Variants in TRPM3 observed in about 807,000 individuals in gnomAD.
The protein encoded by TRPM3 is long transient receptor potential channel 3.
In TRPM3, 77 loss-of-function variants were observed where a neutral mutation model predicts 181.2. That is an observed-to-expected ratio of 0.42 (90% confidence interval 0.35 to 0.51). The LOEUF is 0.51. Among genes scored for constraint, TRPM3 ranks in the 20% least tolerant of loss-of-function variants. The pLI is 0.01. For synonymous variants in TRPM3, 745 were observed against 796.4 expected (o/e 0.94, Z 1.09); for missense variants, 1,759 against 2,196.7 (o/e 0.80, Z 3.98).
chr9:71,296,992 T>C (rs1025177851), intron 1 of TRPM3, among the ~76,000 whole-genome samples: 3 of 143,108 alleles, frequency 2.1e-5, no homozygotes, highest in South Asian at 4.6e-4. Context: ...TCTTTTCTTT[T>C]TTTTTTTTTT....
rs903810284 is a variant in TRPM3 at position 70,635,249 on chromosome 9, A to C, written c.1594T>G (p.Ser532Ala). The change falls in exon 12 of 26, where the codon TCA (serine) becomes GCA (alanine). Residue 532 changes from serine to alanine, a missense_variant. Ser to Ala is a moderately conservative substitution (Grantham distance 99, BLOSUM62 1). This residue lies in a region of TRPM3 where 737 missense variants were observed against 957.4 expected (regional missense o/e 0.77). Transcript: ENST00000677713. The part of the protein sequence containing the change: ...EELYNTRHGP[S>A]NTLYHLVRDV... ...CTGACCAAGTGGTACAATGTATTTG[A>C]GGGCCCATGTCTCTGAAAACAATAA... 1.2e-6 allele frequency: 2 copies of C among 1,613,878 alleles called. No homozygotes were observed. The highest frequency in any genetic ancestry group is 1.7e-6 in the Non-Finnish European group (2 of 1,179,858).
At chr9:71,284,387 T>G (rs1050561163) in intron 1 of TRPM3, among the ~76,000 whole-genome samples, 1 of 152,178 alleles carries the variant, frequency 6.6e-6, no homozygotes, top group African/African-American at 2.4e-5. Context: ...CAATCTAAGT[T>G]TTTCTTTAAA....
At chr9:70,786,585 C>T (rs573666708) in intron 6 of TRPM3, among the ~76,000 whole-genome samples, 43 of 152,274 alleles carry the variant, frequency 2.8e-4, no homozygotes, top group African/African-American at 1.0e-3. Context: ...AAAATATCCA[C>T]CCCATAGGGA....
At chr9:70,698,036 C>T (rs927228618) in intron 8 of TRPM3, among the ~76,000 whole-genome samples, 12 of 151,808 alleles carry the variant, frequency 7.9e-5, no homozygotes, top group African/African-American at 2.7e-4. Flanking sequence ...GGTGAAACCC[C>T]GACTCTACTA....
At chr9:71,233,922 C>T (rs1321207070) in intron 1 of TRPM3, among the ~76,000 whole-genome samples, 1 of 152,154 alleles carries the variant, frequency 6.6e-6, no homozygotes, top group African/African-American at 2.4e-5. Context: ...TGCTGAGGTC[C>T]CTTCCTTAAT....
At chr9:70,893,413 T>C (rs2096240139) in intron 1 of TRPM3, among the ~76,000 whole-genome samples, 1 of 152,164 alleles carries the variant, frequency 6.6e-6, no homozygotes, top group South Asian at 2.1e-4. Flanking sequence ...AGAATATGAA[T>C]GGCTAGAGTG....
At chr9:71,144,255 T>C (rs894889743) in intron 1 of TRPM3, among the ~76,000 whole-genome samples, 11 of 152,140 alleles carry the variant, frequency 7.2e-5, no homozygotes, top group Admixed American at 1.3e-4. Context: ...GTATGCTCTA[T>C]CCAAGCAAGT....
At position 70,619,102 on chromosome 9, in the gene TRPM3, G is replaced by C. The variant is rs1332919133; in HGVS notation, c.2130-7C>G. 2.5e-6 allele frequency: 4 copies of C among 1,610,238 alleles called. No homozygotes were observed. The highest frequency in any genetic ancestry group is 3.4e-6 in the Non-Finnish European group (4 of 1,178,040). On this transcript the variant is annotated splice_region_variant and splice_polypyrimidine_tract_variant and intron_variant, in intron 16 of 25. Transcript: ENST00000677713. ...AGCCAGCTGGCCAAAGTCTCTGAAA[G>C]ACAGAATGGGTGGAAGAGTCCTTCA... is the stretch of plus-strand genomic sequence containing the variant.
intron 1 of TRPM3, among the ~76,000 whole-genome samples, chr9:71,216,746 C>T (rs2079890929): frequency 6.6e-6 from 1 of 152,140 alleles, no homozygotes; most frequent in East Asian, 1.9e-4. Flanking sequence ...TGTATCTTAA[C>T]AGCACTAGGC....
chr9:70,592,254 C>T (rs1029609472), intron 21 of TRPM3, among the ~76,000 whole-genome samples: 2 of 152,116 alleles, frequency 1.3e-5, no homozygotes, highest in African/African-American at 2.4e-5. Flanking sequence ...ATACTGGCCC[C>T]GGCAAGAGTG....
chr9:70,691,315 T>A (rs1456104089), intron 8 of TRPM3, among the ~76,000 whole-genome samples: 1 of 152,214 alleles, frequency 6.6e-6, no homozygotes, highest in Non-Finnish European at 1.5e-5. Flanking sequence ...ATGTATGAAT[T>A]TATACATTAG....
chr9:71,091,539 G>C (rs1039209452), intron 1 of TRPM3, among the ~76,000 whole-genome samples: 3 of 152,068 alleles, frequency 2.0e-5, no homozygotes, highest in Non-Finnish European at 2.9e-5. Flanking sequence ...CCGTTACCTT[G>C]AGCCACAAGA....
intron 1 of TRPM3, among the ~76,000 whole-genome samples, chr9:70,958,936 T>C (rs1413959506): frequency 2.7e-5 from 4 of 146,102 alleles, no homozygotes; most frequent in Non-Finnish European, 5.9e-5. Flanking sequence ...TTCTCACTCA[T>C]AGATGGGAAT....
intron 9 of TRPM3, among the ~76,000 whole-genome samples, chr9:70,653,591 C>T (rs904195183): frequency 6.6e-6 from 1 of 150,654 alleles, no homozygotes; most frequent in Non-Finnish European, 1.5e-5. Context: ...GGCTAAAATT[C>T]CTCACAGCTG....
At chr9:70,811,362 CACAGTGAAACCTATGTAGAG>C in intron 6 of TRPM3, 1 of 808,752 alleles carries the variant, frequency 1.2e-6, no homozygotes, top group Non-Finnish European at 2.0e-6. Flanking sequence ...ACTCAAGTTG[CACAGTGAAACCTATGTAGAG>C]CATCATCCAG....
chr9:70,946,433 G>GTAATAACAA (rs1179223771), intron 1 of TRPM3, among the ~76,000 whole-genome samples: 2 of 144,664 alleles, frequency 1.4e-5, no homozygotes, highest in African/African-American at 5.4e-5. Context: ...CTGTTAAATG[G>GTAATAACAA]TAATAATAAT....
At chr9:70,980,394 A>G (rs1189513666) in intron 1 of TRPM3, among the ~76,000 whole-genome samples, 2 of 151,302 alleles carry the variant, frequency 1.3e-5, no homozygotes, top group African/African-American at 4.9e-5. Context: ...GAGAGAGGCG[A>G]AGGAGGCCAG....
At chr9:70,915,001 A>T (rs1455792830) in intron 1 of TRPM3, among the ~76,000 whole-genome samples, 2 of 152,152 alleles carry the variant, frequency 1.3e-5, no homozygotes, top group African/African-American at 4.8e-5. Flanking sequence ...ATAAGCCTGA[A>T]CTCTGAAGAC....
chr9:71,426,862 C>A (rs891583327), intron 1 of TRPM3, among the ~76,000 whole-genome samples: 1 of 151,692 alleles, frequency 6.6e-6, no homozygotes, highest in Non-Finnish European at 1.5e-5. Context: ...AGGTAATTCT[C>A]GATTTTTTTC....
Sources: allele counts gnomAD v4.1 joint callset (sites outside exome capture counted in the v4.1 genomes callset), GRCh38; gene constraint gnomAD v4.1.1; regional missense constraint gnomAD v4.1.1; transcripts MANE v1.5; gene names NCBI Gene and HGNC (gene_info 2026-07-23, HGNC 2026-07-21).